DPP6: variants seen among roughly 807,000 people sequenced by gnomAD.
DPP6 encodes the protein dipeptidyl peptidase like 6.
Under a neutral mutation model 122.6 loss-of-function variants are expected in DPP6, and 69 were observed. That is an observed-to-expected ratio of 0.56 (90% CI 0.46 to 0.69). The LOEUF is 0.69. Ranked by LOEUF, DPP6 falls within the 30% of genes least tolerant of loss-of-function variation. DPP6 has a pLI of 0.00. For synonymous variants in DPP6, 418 were observed against 433.1 expected, an observed-to-expected ratio of 0.97 and a Z score of 0.43; for missense variants, 928 against 1,116.9, an observed-to-expected ratio of 0.83 and a Z score of 2.41.
At chr7:153,812,737 G>A in the DPP6 span, among the ~76,000 whole-genome samples, 1 of 152,150 alleles carries the variant, frequency 6.6e-6, no homozygotes, top group African/African-American at 2.4e-5. Flanking sequence ...TCTTGACTCA[G>A]GCATTGAAGT....
chr7:154,309,395 A>C (rs1374328018), intron 1 of DPP6, among the ~76,000 whole-genome samples: 1 of 152,216 alleles, frequency 6.6e-6, no homozygotes, highest in Admixed American at 6.5e-5. Flanking sequence ...GTGTCTGAAC[A>C]TATATAATAA....
chr7:154,151,564 G>A, intron 1 of DPP6, among the ~76,000 whole-genome samples: 1 of 152,218 alleles, frequency 6.6e-6, no homozygotes, highest in South Asian at 2.1e-4. Context: ...GACCTCCCTT[G>A]CTGGGAGGTT....
At chr7:154,599,316 C>T (rs376889505) in intron 5 of DPP6, among the ~76,000 whole-genome samples, 14 of 152,144 alleles carry the variant, frequency 9.2e-5, no homozygotes, top group African/African-American at 3.1e-4. Context: ...AAAGTACTCT[C>T]ACACTGTTTA....
rs796084342 is a variant in DPP6 at position 153,899,193 on chromosome 7, TCTC to T, written c.51+11477_51+11479del. ...TCTTCCTTCTCCTCTTCCTCTTCCTTCTCCTCCTCCTCCTCCTCCTTCTCCTCC... is the reference window on the plus strand; with the variant it reads ...TCTTCCTTCTCCTCTTCCTCTTCCTTCTCCTCCTCCTCCTCCTTCTCCTCC... On this transcript the variant is annotated intron_variant, in intron 1 of 25. Transcript: ENST00000404039. Among the ~76,000 whole-genome samples, 495 of 151,064 alleles carry T rather than the reference TCTC, an allele frequency of 3.3e-3. 4 individuals are homozygous for T. The highest frequency in any genetic ancestry group is 9.7e-3 in the African/African-American group (400 of 41,152).
At chr7:154,573,786 T>C (rs964789928) in intron 5 of DPP6, among the ~76,000 whole-genome samples, 16 of 152,354 alleles carry the variant, frequency 1.1e-4, no homozygotes, top group African/African-American at 3.8e-4. Context: ...AATCAAATCA[T>C]ATATCCACGT....
intron 1 of DPP6, among the ~76,000 whole-genome samples, chr7:154,059,948 C>T (rs1184732972): frequency 2.8e-4 from 42 of 152,222 alleles, no homozygotes; most frequent in Admixed American, 7.2e-4. Flanking sequence ...CATAAAGGGC[C>T]CCCATTTTGT....
chr7:154,227,228 A>ACACACACACACACACACACACACACC (rs1443310749), intron 1 of DPP6, among the ~76,000 whole-genome samples: 1 of 151,778 alleles, frequency 6.6e-6, no homozygotes, highest in Non-Finnish European at 1.5e-5. Context: ...ACACACACAC[A>ACACACACACACACACACACACACACC]CACCCCTAGG....
At chr7:153,872,204 G>A in the DPP6 span, among the ~76,000 whole-genome samples, 2 of 152,150 alleles carry the variant, frequency 1.3e-5, no homozygotes, top group Non-Finnish European at 2.9e-5. Flanking sequence ...TGTACAGAAT[G>A]CAAATTCATA....
At chr7:154,313,295 C>T (rs1297164836) in intron 1 of DPP6, among the ~76,000 whole-genome samples, 1 of 152,022 alleles carries the variant, frequency 6.6e-6, no homozygotes, top group East Asian at 1.9e-4. Context: ...GTGCAGCCAG[C>T]GGTCTGCTGG....
chr7:154,496,090 T>C (rs1190678652), intron 3 of DPP6, among the ~76,000 whole-genome samples: 3 of 152,220 alleles, frequency 2.0e-5, no homozygotes, highest in Non-Finnish European at 2.9e-5. Context: ...AAGAAGAATA[T>C]CTTAAGAGTT....
chr7:154,105,138 C>CA (rs937114587), intron 1 of DPP6, among the ~76,000 whole-genome samples: 7 of 152,218 alleles, frequency 4.6e-5, no homozygotes, highest in African/African-American at 1.2e-4. Context: ...AAAACAAAAC[C>CA]AAAAAAACAT....
chr7:154,371,208 T>G (rs1812624676), intron 1 of DPP6, among the ~76,000 whole-genome samples: 1 of 151,518 alleles, frequency 6.6e-6, no homozygotes. Context: ...CAAAACCCTG[T>G]GTCTACTAAA....
the DPP6 span, among the ~76,000 whole-genome samples, chr7:153,802,873 T>C: frequency 8.9e-4 from 136 of 152,294 alleles, no homozygotes; most frequent in African/African-American, 3.3e-3. Flanking sequence ...TTTTCATCAC[T>C]GTGGTGGTCT....
chr7:154,221,453 C>T (rs978005602), intron 1 of DPP6, among the ~76,000 whole-genome samples: 10 of 152,030 alleles, frequency 6.6e-5, no homozygotes, highest in African/African-American at 1.7e-4. Context: ...CCACTGTGCT[C>T]GACCCTCATT....
intron 5 of DPP6, among the ~76,000 whole-genome samples, chr7:154,575,401 G>GGTGTT (rs1831542113): frequency 8.3e-6 from 1 of 120,870 alleles, no homozygotes; most frequent in African/African-American, 3.1e-5. Context: ...TGTAGTGTGT[G>GGTGTT]TGTGGTGTTT....
chr7:154,741,839 G>T (rs1338897551), intron 8 of DPP6, among the ~76,000 whole-genome samples: 2 of 152,212 alleles, frequency 1.3e-5, no homozygotes, highest in Non-Finnish European at 2.9e-5. Flanking sequence ...CATCCAGAAA[G>T]GTGAAACCTC....
chr7:154,647,770 T>C lies in DPP6; in HGVS notation c.680+9897T>C, dbSNP rs1486821484. ...TTTTAATTTTGGCTGTTGATCACTT[T>C]CTTGTGCTGGTGAATCAGCACGCGT... On this transcript the variant is annotated intron_variant, in intron 6 of 25. Coordinates refer to ENST00000377770, the MANE Select transcript of DPP6 (RefSeq NM_130797.4). Among the ~76,000 whole-genome samples the C allele has an allele frequency of 2.0e-5, 3 of 152,232 alleles. No individual in the cohort carries two copies. In the South Asian group the frequency reaches 6.2e-4, roughly 32 times the overall value.
the DPP6 span, among the ~76,000 whole-genome samples, chr7:153,768,124 C>T: frequency 2.6e-5 from 4 of 151,358 alleles, no homozygotes; most frequent in Admixed American, 1.3e-4. Flanking sequence ...ATCAATAAAC[C>T]AACATCTAGA....
intron 5 of DPP6, among the ~76,000 whole-genome samples, chr7:154,616,352 C>T (rs1834255048): frequency 6.6e-6 from 1 of 152,156 alleles, no homozygotes; most frequent in Non-Finnish European, 1.5e-5. Context: ...AGTGCCTTTT[C>T]AACAGTGAAC....
Sources: gnomAD v4.1 joint callset for allele counts (sites outside exome capture counted in the v4.1 genomes callset) on GRCh38, gnomAD v4.1.1 for gene constraint, MANE v1.5 for transcripts, NCBI Gene and HGNC (gene_info 2026-07-23, HGNC 2026-07-21) for gene names.